IP6K1: variants seen among roughly 807,000 people sequenced by gnomAD.
The protein encoded by IP6K1 is ATP:1D-myo-inositol-hexakisphosphate phosphotransferase.
A neutral mutation model predicts 38.3 loss-of-function variants in IP6K1; 13 were observed. That is an observed-to-expected ratio of 0.34 (90% CI 0.22 to 0.54). IP6K1 has a LOEUF of 0.54. IP6K1 is among the 20% of genes least tolerant of loss of function. The probability of loss-of-function intolerance (pLI) is 0.92; values close to 1 mark genes in which losing one functional copy is unlikely to be tolerated. For synonymous variants in IP6K1, 212 were observed against 229.9 expected, an observed-to-expected ratio of 0.92 and a Z score of 0.70; for missense variants, 397 against 599.8, an observed-to-expected ratio of 0.66 and a Z score of 3.53.
chr3:49,725,799 G>C lies in IP6K1; in HGVS notation c.*1323C>G, dbSNP rs773622495. On this transcript the variant is annotated 3_prime_UTR_variant, in exon 6 of 6. Coordinates refer to ENST00000321599, the MANE Select transcript of IP6K1 (RefSeq NM_153273.4). ...CTCACTGCCCCACTCTAAGGGTTGAGGGCCATATTCTAGGCCCACAGAAAT... is the reference window on the plus strand; with the variant it reads ...CTCACTGCCCCACTCTAAGGGTTGACGGCCATATTCTAGGCCCACAGAAAT... 1 of 152,504 alleles carries C rather than the reference G, an allele frequency of 6.6e-6. No individual in the cohort carries two copies. Among genetic ancestry groups the C allele is most frequent in the Admixed American group, 6.5e-5 (1 of 15,274 alleles). 9.4% of individuals were successfully genotyped at this position (152,504 alleles called of 1,614,324 possible).
chr3:49,757,277 A>T (rs1450912526), intron 1 of IP6K1, among the ~76,000 whole-genome samples: 6 of 152,154 alleles, frequency 3.9e-5, no homozygotes, highest in Non-Finnish European at 8.8e-5. Context: ...CTTCACCACT[A>T]TCCTACTGTA....
At chr3:49,785,930 T>C (rs1208882561) in intron 1 of IP6K1, 1 of 152,222 alleles carries the variant, frequency 6.6e-6, no homozygotes, top group Admixed American at 6.5e-5. Context: ...TTGGCTTGCT[T>C]CGTCTAGTCT....
At chr3:49,745,462 C>T (rs148154010) in intron 2 of IP6K1, among the ~76,000 whole-genome samples, 2 of 152,190 alleles carry the variant, frequency 1.3e-5, no homozygotes, top group East Asian at 3.8e-4. Flanking sequence ...GTGGCTCACA[C>T]CTATAATCCC....
At chr3:49,754,594 G>A (rs1343103742) in intron 1 of IP6K1, among the ~76,000 whole-genome samples, 1 of 151,314 alleles carries the variant, frequency 6.6e-6, no homozygotes, top group Non-Finnish European at 1.5e-5. Flanking sequence ...GAAATCATAT[G>A]AGTTTTTTTT....
chr3:49,727,232 T>C lies in IP6K1; in HGVS notation c.1216A>G (p.Lys406Glu), dbSNP rs767695152. ...ACGGTGGGGTCATCCCGGAAGCCCT[T>C]GAATGTGCTGTGTGCAAAGTCAATC... ...RMIDFAHSTF[K>E]GFRDDPTVHD... Residue 406 changes from lysine to glutamate, a missense_variant, in exon 6 of 6, where the codon AAG becomes GAG. Lys to Glu is a moderately conservative substitution (Grantham distance 56). Around this residue, in one of 3 missense-constraint regions of IP6K1, gnomAD observed 164 missense variants for 213.5 expected, o/e 0.77. Transcript: ENST00000321599. This position sits in a 1 kb window ranked among gnomAD's most constrained non-coding sequence, Gnocchi z 5.9. 1 of 1,614,110 alleles carries C rather than the reference T, an allele frequency of 6.2e-7. No individual in the cohort carries two copies. The highest frequency in any genetic ancestry group is 8.5e-7 in the Non-Finnish European group (1 of 1,180,022).
intron 1 of IP6K1, among the ~76,000 whole-genome samples, chr3:49,781,357 C>T (rs192322984): frequency 1.1e-4 from 16 of 152,260 alleles, no homozygotes; most frequent in Non-Finnish European, 2.2e-4. Flanking sequence ...CCCACTGTGC[C>T]GGCCTAAAAA....
intron 1 of IP6K1, among the ~76,000 whole-genome samples, chr3:49,778,270 A>G (rs1169713073): frequency 6.6e-6 from 1 of 151,490 alleles, no homozygotes; most frequent in African/African-American, 2.4e-5. Flanking sequence ...GGTTGCAGTG[A>G]ACTGAGATCG....
intron 1 of IP6K1, among the ~76,000 whole-genome samples, chr3:49,780,306 T>C (rs1161785758): frequency 1.8e-4 from 2 of 10,852 alleles, no homozygotes; most frequent in Non-Finnish European, 4.4e-4. Flanking sequence ...TTATCATCTT[T>C]CATACACACA....
intron 1 of IP6K1, among the ~76,000 whole-genome samples, chr3:49,771,434 A>G (rs1389605165): frequency 6.6e-6 from 1 of 152,202 alleles, no homozygotes; most frequent in Non-Finnish European, 1.5e-5. Context: ...AAAGACCATT[A>G]AGTACAGGAA....
chr3:49,739,482 T>C (rs1000674107), intron 2 of IP6K1, among the ~76,000 whole-genome samples: 5 of 151,440 alleles, frequency 3.3e-5, no homozygotes, highest in Non-Finnish European at 7.4e-5. Context: ...GCCTCCTGAG[T>C]AGCTGGGACT....
intron 1 of IP6K1, among the ~76,000 whole-genome samples, chr3:49,783,700 G>A (rs1168156743): frequency 2.9e-5 from 4 of 139,354 alleles, no homozygotes; most frequent in African/African-American, 8.3e-5. Context: ...GCAACCGAGC[G>A]AGATTCCGTC....
In IP6K1 at chr3:49,725,164, T is replaced by G. The variant is rs2108215982; in HGVS notation, c.*1958A>C. On this transcript the variant is annotated 3_prime_UTR_variant, in exon 6 of 6. Coordinates refer to ENST00000321599, the MANE Select transcript of IP6K1 (RefSeq NM_153273.4). ...TGTAGTGCCAGGAAAATACTGAATGTAAGTGGGTGCAGCTTTGCTCGCTGT... is the reference window on the plus strand; with the variant it reads ...TGTAGTGCCAGGAAAATACTGAATGGAAGTGGGTGCAGCTTTGCTCGCTGT... The G allele has an allele frequency of 6.5e-6, 1 of 152,722 alleles. No individual in the cohort carries two copies. Among genetic ancestry groups the G allele is most frequent in the African/African-American group, 2.4e-5 (1 of 41,544 alleles). 9.5% of individuals were successfully genotyped at this position (152,722 alleles called of 1,614,324 possible). A position where few individuals can be genotyped will look rare whatever the true frequency, so the allele number is the denominator to read the frequency against.
In IP6K1 at chr3:49,726,895, C is replaced by T. The variant is rs1436787479; in HGVS notation, c.*227G>A. 3 of 529,068 alleles carry T rather than the reference C, an allele frequency of 5.7e-6. No homozygotes were observed. Among genetic ancestry groups the T allele is most frequent in the Middle Eastern group, 9.7e-4 (2 of 2,056 alleles). 32.8% of individuals were successfully genotyped at this position (529,068 alleles called of 1,614,324 possible). On this transcript the variant is annotated 3_prime_UTR_variant, in exon 6 of 6. Transcript: ENST00000321599. ...CCTTCCTAAGGCAGCCTGGACACAC[C>T]AGTCAGAGCCACAAAGCTGAGGAGC...
At chr3:49,770,824 T>C (rs558328989) in intron 1 of IP6K1, among the ~76,000 whole-genome samples, 1 of 152,254 alleles carries the variant, frequency 6.6e-6, no homozygotes, top group South Asian at 2.1e-4. Context: ...TGATTATTTA[T>C]TTATGAGATG....
At chr3:49,755,690 C>A (rs1033441780) in intron 1 of IP6K1, among the ~76,000 whole-genome samples, 2 of 152,116 alleles carry the variant, frequency 1.3e-5, no homozygotes, top group Non-Finnish European at 2.9e-5. Flanking sequence ...AAACTAATTT[C>A]TAATTAATTT....
intron 1 of IP6K1, among the ~76,000 whole-genome samples, chr3:49,773,376 C>T (rs1167464744): frequency 1.3e-5 from 2 of 152,064 alleles, no homozygotes; most frequent in African/African-American, 4.8e-5. Context: ...TTTGGGAGGC[C>T]GAGGTGGGTG....
chr3:49,747,691 A>G, intron 2 of IP6K1, 127 bp downstream of exon 2: 1 of 1,226,618 alleles, frequency 8.2e-7, no homozygotes, highest in Non-Finnish European at 1.1e-6. Context: ...TATCTAACAA[A>G]GTGACTTCGT....
At chr3:49,762,397 C>T (rs1308700718) in intron 1 of IP6K1, among the ~76,000 whole-genome samples, 2 of 152,164 alleles carry the variant, frequency 1.3e-5, no homozygotes, top group Non-Finnish European at 2.9e-5. Flanking sequence ...CAAAAATTAG[C>T]TGGCAAGGTG....
chr3:49,769,523 G>A (rs1324983545), intron 1 of IP6K1, among the ~76,000 whole-genome samples: 8 of 152,076 alleles, frequency 5.3e-5, no homozygotes, highest in South Asian at 2.1e-4. Context: ...ATTGTTTTTC[G>A]ACAAAAGTAC....
Sources: gnomAD v4.1 joint callset for allele counts (sites outside exome capture counted in the v4.1 genomes callset) on GRCh38, gnomAD v4.1.1 for gene constraint, gnomAD v4.1.1 regional missense constraint, Gnocchi (gnomAD v3.1) non-coding constraint, MANE v1.5 for transcripts, NCBI Gene and HGNC (gene_info 2026-07-23, HGNC 2026-07-21) for gene names.